Variants in FHIT observed in about 807,000 individuals in gnomAD.
The protein encoded by FHIT is bis(5'-adenosyl)-triphosphatase.
A neutral mutation model predicts 17.9 loss-of-function variants in FHIT; 19 were observed. That is an observed-to-expected ratio of 1.06 (90% confidence interval 0.74 to 1.56). FHIT has a LOEUF of 1.56. FHIT is among the 40% of genes most tolerant of loss of function. The pLI is 0.00. For synonymous variants in FHIT, 81 were observed against 69.7 expected, an observed-to-expected ratio of 1.16 and a Z score of -0.81; for missense variants, 248 against 189.2, an observed-to-expected ratio of 1.31 and a Z score of -1.82.
intron 5 of FHIT, among the ~76,000 whole-genome samples, chr3:60,444,123 G>A (rs1339603000): frequency 6.6e-6 from 1 of 152,176 alleles, no homozygotes; most frequent in East Asian, 1.9e-4. Flanking sequence ...TCAGAGAAAT[G>A]CAAATCAAAA....
chr3:59,857,910 A>G (rs961272708), intron 8 of FHIT, among the ~76,000 whole-genome samples: 4 of 152,082 alleles, frequency 2.6e-5, no homozygotes, highest in Non-Finnish European at 5.9e-5. Flanking sequence ...GGATACAGAA[A>G]GGTTTAGAGT....
intron 5 of FHIT, among the ~76,000 whole-genome samples, chr3:60,215,657 C>G (rs866068347): frequency 3.3e-5 from 5 of 152,168 alleles, no homozygotes; most frequent in African/African-American, 1.2e-4. Context: ...ATCAATGAGT[C>G]TGTCTAATAA....
chr3:59,950,416 C>T (rs1016804069), intron 7 of FHIT, among the ~76,000 whole-genome samples: 4 of 152,168 alleles, frequency 2.6e-5, no homozygotes, highest in Non-Finnish European at 5.9e-5. Flanking sequence ...CAGGCACATG[C>T]CAGCCTTGGG....
At chr3:59,825,688 C>A (rs1700953175) in intron 8 of FHIT, among the ~76,000 whole-genome samples, 1 of 152,090 alleles carries the variant, frequency 6.6e-6, no homozygotes, top group African/African-American at 2.4e-5. Context: ...TTACTGAAGC[C>A]CATTCTATAG....
intron 7 of FHIT, among the ~76,000 whole-genome samples, chr3:59,987,334 G>GA (rs1388882678): frequency 2.6e-5 from 4 of 151,738 alleles, no homozygotes; most frequent in Non-Finnish European, 4.4e-5. Context: ...AACACGGTTA[G>GA]AAATTAGAGC....
At chr3:60,884,504 G>A (rs1164529111) in intron 3 of FHIT, among the ~76,000 whole-genome samples, 1 of 152,022 alleles carries the variant, frequency 6.6e-6, no homozygotes, top group African/African-American at 2.4e-5. Context: ...AGAAAATGTG[G>A]TATATACACA....
At chr3:60,932,225 A>G (rs1553771967) in intron 3 of FHIT, among the ~76,000 whole-genome samples, 2 of 152,180 alleles carry the variant, frequency 1.3e-5, no homozygotes, top group Non-Finnish European at 2.9e-5. Context: ...ATTACTATGC[A>G]CATTTTACAG....
intron 5 of FHIT, among the ~76,000 whole-genome samples, chr3:60,302,869 G>A (rs549558673): frequency 1.3e-5 from 2 of 152,244 alleles, no homozygotes; most frequent in Admixed American, 6.5e-5. Context: ...TCACTTTAAG[G>A]TATCTTAGAC....
intron 2 of FHIT, among the ~76,000 whole-genome samples, chr3:61,172,202 G>GT (rs1474221826): frequency 6.6e-6 from 1 of 152,094 alleles, no homozygotes; most frequent in African/African-American, 2.4e-5. Context: ...ACTCAATACA[G>GT]TAATGGTTAA....
chr3:60,318,918 G>T (rs576507094), intron 5 of FHIT, among the ~76,000 whole-genome samples: 1 of 152,128 alleles, frequency 6.6e-6, no homozygotes, highest in Non-Finnish European at 1.5e-5. Context: ...TCTAGTGGCT[G>T]CCTATACTCC....
chr3:61,169,679 T>G lies in FHIT; in HGVS notation c.-164+30938A>C, dbSNP rs190313153. On this transcript the variant is annotated intron_variant, in intron 2 of 9. Transcript: ENST00000492590. Reference sequence around the variant, plus strand: ...CTTTTAAAATGATACAAGACAAAAATTGTGCAGAGGGGCAAGAAACAAATG... The same window carrying G: ...CTTTTAAAATGATACAAGACAAAAAGTGTGCAGAGGGGCAAGAAACAAATG... 6.0e-3 allele frequency among the ~76,000 whole-genome samples: 913 copies of G among 152,272 alleles called. 3 individuals are homozygous for G. The highest frequency in any genetic ancestry group is 0.01 in the Non-Finnish European group (702 of 68,016).
intron 4 of FHIT, among the ~76,000 whole-genome samples, chr3:60,570,429 T>A (rs1276011908): frequency 3.3e-5 from 5 of 152,128 alleles, no homozygotes; most frequent in African/African-American, 9.7e-5. Flanking sequence ...AAGTTGGGAA[T>A]AAGAGTGTTG....
At chr3:60,731,882 C>T (rs943081664) in intron 4 of FHIT, among the ~76,000 whole-genome samples, 1 of 152,162 alleles carries the variant, frequency 6.6e-6, no homozygotes, top group Admixed American at 6.5e-5. Flanking sequence ...TTTACTGCCC[C>T]AACTCATATC....
In FHIT at chr3:60,188,204, TTTC is replaced by T. The variant is rs1323369902; in HGVS notation, c.104-174055_104-174053del. 3.7e-3 allele frequency among the ~76,000 whole-genome samples: 326 copies of T among 87,772 alleles called. 2 individuals carry two copies. Among genetic ancestry groups the T allele is most frequent in the African/African-American group, 0.012 (313 of 25,238 alleles). The allele number at this position is 87,772 out of a possible 152,430, so 57.6% of individuals were successfully genotyped here. On this transcript the variant is annotated intron_variant, in intron 5 of 9. Transcript: ENST00000492590. ...TGAACTCAGGGATCTTGACAGTTTC[TTTC>T]TTTTTTTTTTTTTTTTTTTTACCAT...
chr3:60,695,564 A>G (rs551427654), intron 4 of FHIT, among the ~76,000 whole-genome samples: 106 of 152,294 alleles, frequency 7.0e-4, no homozygotes, highest in African/African-American at 2.5e-3. Context: ...CTACATCTGT[A>G]AACTGGGGGA....
intron 4 of FHIT, among the ~76,000 whole-genome samples, chr3:60,694,331 A>C (rs1486303009): frequency 2.6e-5 from 4 of 152,090 alleles, no homozygotes; most frequent in Admixed American, 2.6e-4. Context: ...GAAAGAAAAC[A>C]ATCAGAGAAA....
chr3:60,653,388 G>GA (rs1391345693), intron 4 of FHIT, among the ~76,000 whole-genome samples: 3 of 151,794 alleles, frequency 2.0e-5, no homozygotes, highest in Admixed American at 1.3e-4. Flanking sequence ...GGCAACGTTG[G>GA]AAAAAATCTC....
chr3:60,614,829 T>C (rs1301407654), intron 4 of FHIT, among the ~76,000 whole-genome samples: 1 of 85,934 alleles, frequency 1.2e-5, no homozygotes, highest in African/African-American at 3.3e-5. Flanking sequence ...TGTTTTTTTT[T>C]TGTTTTTTTT....
chr3:60,662,490 T>C (rs1348720039), intron 4 of FHIT, among the ~76,000 whole-genome samples: 6 of 152,198 alleles, frequency 3.9e-5, no homozygotes, highest in African/African-American at 1.4e-4. Context: ...TCCAGATTTG[T>C]TCTTTTTGCT....
Sources: allele counts gnomAD v4.1 joint callset (sites outside exome capture counted in the v4.1 genomes callset), GRCh38; gene constraint gnomAD v4.1.1; transcripts MANE v1.5; gene names NCBI Gene and HGNC (gene_info 2026-07-23, HGNC 2026-07-21).